The following ARHGAP18 variants were observed in gnomAD, a reference collection of about 807,000 sequenced individuals.
ARHGAP18 encodes Rho GTPase activating protein 18, also known as rho GTPase-activating protein 18.
In ARHGAP18, 67 loss-of-function variants were observed where a neutral mutation model predicts 86.2. That is an observed-to-expected ratio of 0.78 (90% CI 0.64 to 0.95). The LOEUF is 0.95. Among genes scored for constraint, ARHGAP18 ranks in the 40% least tolerant of loss-of-function variants. ARHGAP18 has a pLI of 0.00. For synonymous variants in ARHGAP18, 283 were observed against 280.4 expected (o/e 1.01, Z -0.09); for missense variants, 691 against 780.4 (o/e 0.89, Z 1.37).
At chr6:129,669,575 C>T (rs916901110) in intron 1 of ARHGAP18, among the ~76,000 whole-genome samples, 3 of 151,544 alleles carry the variant, frequency 2.0e-5, no homozygotes, top group Non-Finnish European at 4.4e-5. Context: ...CACCTGAGGT[C>T]GGGAGTTCAA....
At chr6:129,608,115 T>G in intron 8 of ARHGAP18, 63 bp from the exon 9 acceptor site, 1 of 1,485,058 alleles carries the variant, frequency 6.7e-7, no homozygotes, top group Non-Finnish European at 8.9e-7. Flanking sequence ...TTTTTTTTCT[T>G]GCTGAGAGTA....
chr6:129,658,561 G>C (rs1773887615), intron 1 of ARHGAP18, among the ~76,000 whole-genome samples: 1 of 152,180 alleles, frequency 6.6e-6, no homozygotes, highest in African/African-American at 2.4e-5. Context: ...GTGGACATCA[G>C]GGTTGAGGAT....
chr6:129,597,926 A>C lies in ARHGAP18; in HGVS notation c.1713+1290T>G, dbSNP rs188159338. On this transcript the variant is annotated intron_variant, in intron 12 of 14. Transcript: ENST00000368149. ...TTCCATAAATGACAAAATTACTAAA[A>C]TATTCCATTTCCAAAAAGTAAACGT... 3.0e-4 allele frequency among the ~76,000 whole-genome samples: 46 copies of C among 152,322 alleles called. No individual in the cohort carries two copies. The East Asian group carries it at 7.3e-3, about 24-fold the overall frequency.
intron 10 of ARHGAP18, among the ~76,000 whole-genome samples, 183 bp downstream of exon 10, chr6:129,605,694 T>A (rs1362715089): frequency 6.6e-6 from 1 of 152,120 alleles, no homozygotes; most frequent in African/African-American, 2.4e-5. Flanking sequence ...CTTAATAACA[T>A]TAGTAACATA....
intron 2 of ARHGAP18, among the ~76,000 whole-genome samples, chr6:129,639,236 G>A (rs80122807): frequency 1.3e-5 from 2 of 152,016 alleles, no homozygotes; most frequent in African/African-American, 4.8e-5. Flanking sequence ...AACTTATATA[G>A]GAAGATAATC....
rs1329594278 is a variant in ARHGAP18, at chr6:129,625,252, T to TATATATG, written c.786+4094_786+4100dup. On this transcript the variant is annotated intron_variant, in intron 5 of 14. Coordinates refer to ENST00000368149, the MANE Select transcript of ARHGAP18 (RefSeq NM_033515.3). ...ATATATGATATATATTTATATGTAA[T>TATATATG]ATATATGATATATGATATATATTTA... is the stretch of plus-strand genomic sequence containing the variant. 1.9e-3 allele frequency among the ~76,000 whole-genome samples: 88 copies of TATATATG among 46,416 alleles called. 36 individuals are homozygous for TATATATG. The highest frequency in any genetic ancestry group is 3.1e-3 in the Non-Finnish European group (78 of 25,496). 30.5% of individuals were successfully genotyped at this position (46,416 alleles called of 152,430 possible). A position where few individuals can be genotyped will look rare whatever the true frequency, so the allele number is the denominator to read the frequency against.
chr6:129,580,629 G>A (rs1788268495), intron 13 of ARHGAP18, among the ~76,000 whole-genome samples: 1 of 152,182 alleles, frequency 6.6e-6, no homozygotes, highest in South Asian at 2.1e-4. Flanking sequence ...GCTCATGCCT[G>A]TAATCCCAGC....
At position 129,673,795 on chromosome 6, in the gene ARHGAP18, T is replaced by G. The variant is rs145759476; in HGVS notation, c.114-31777A>C. Among the ~76,000 whole-genome samples the G allele has an allele frequency of 2.6e-4, 39 of 152,324 alleles. No individual in the cohort carries two copies. In the South Asian group the frequency reaches 7.9e-3, roughly 31 times the overall value. On this transcript the variant is annotated intron_variant, in intron 1 of 14. Coordinates refer to ENST00000368149, the MANE Select transcript of ARHGAP18 (RefSeq NM_033515.3). ...CAACTTTGAAAATCTGATATTTCTA[T>G]TCTTTTAGGTTATTTTATAATATAT...
Position 129,610,201 on chromosome 6 carries a change from C to T in ARHGAP18, c.1122+1332G>A, listed in dbSNP as rs564383143. Among the ~76,000 whole-genome samples, 68 of 152,356 alleles carry T rather than the reference C, an allele frequency of 4.5e-4. 1 individual carries two copies. The South Asian group carries it at 0.013, about 29-fold the overall frequency. ...GGTAAAAGTTAGTAGTTAATGGCTGCTTCCAGATACAGCTACAATTCCAAG... is the reference window on the plus strand; with the variant it reads ...GGTAAAAGTTAGTAGTTAATGGCTGTTTCCAGATACAGCTACAATTCCAAG... On this transcript the variant is annotated intron_variant, in intron 8 of 14. Transcript: ENST00000368149.
intron 13 of ARHGAP18, among the ~76,000 whole-genome samples, chr6:129,580,598 T>C (rs1241699780): frequency 6.6e-6 from 1 of 152,196 alleles, no homozygotes; most frequent in East Asian, 1.9e-4. Flanking sequence ...GAATAAGACA[T>C]GCTTCTGACT....
chr6:129,658,295 A>G (rs1773880451), intron 1 of ARHGAP18, among the ~76,000 whole-genome samples: 1 of 152,222 alleles, frequency 6.6e-6, no homozygotes, highest in Admixed American at 6.5e-5. Flanking sequence ...CTGGGTCCCA[A>G]CTTACACCTC....
intron 1 of ARHGAP18, among the ~76,000 whole-genome samples, chr6:129,678,221 C>T (rs925681174): frequency 6.6e-6 from 1 of 152,216 alleles, no homozygotes; most frequent in Non-Finnish European, 1.5e-5. Flanking sequence ...GGTCTCCGAT[C>T]AATATTTACA....
intron 4 of ARHGAP18, among the ~76,000 whole-genome samples, chr6:129,632,346 T>C (rs1367164548): frequency 6.6e-6 from 1 of 152,218 alleles, no homozygotes; most frequent in Non-Finnish European, 1.5e-5. Context: ...GTTTGTCACA[T>C]TTCACTTGCC....
intron 1 of ARHGAP18, chr6:129,661,923 T>C (rs1773960817): frequency 1.0e-6 from 1 of 985,198 alleles, no homozygotes; most frequent in Non-Finnish European, 1.2e-6. Flanking sequence ...CAAGCAGTCA[T>C]CTGTGTCCTC....
intron 12 of ARHGAP18, among the ~76,000 whole-genome samples, chr6:129,584,924 C>T (rs1562676643): frequency 6.6e-6 from 1 of 151,800 alleles, no homozygotes; most frequent in Non-Finnish European, 1.5e-5. Context: ...TATTAAGCAT[C>T]TACTGAGTAC....
At chr6:129,683,022 GA>G (rs1189085736) in intron 1 of ARHGAP18, among the ~76,000 whole-genome samples, 3 of 146,308 alleles carry the variant, frequency 2.1e-5, no homozygotes, top group Non-Finnish European at 3.0e-5. Context: ...TATACTTCAG[GA>G]AAAAAAAAGT....
At position 129,580,102 on chromosome 6, in the gene ARHGAP18, TCTC is replaced by T. The variant is rs753558498; in HGVS notation, c.1865_1867del (p.Gly622del). On this transcript the variant is annotated inframe_deletion, in exon 14 of 15. Coordinates refer to ENST00000368149, the MANE Select transcript of ARHGAP18 (RefSeq NM_033515.3). ...TCCTCCAATTTCATACAAAAAAACT[TCTC>T]CTTTCTTGAGAGTCTGGGCAACCCC... 89 of 1,613,564 alleles carry T rather than the reference TCTC, an allele frequency of 5.5e-5. No homozygotes were observed. The highest frequency in any genetic ancestry group is 7.5e-5 in the Non-Finnish European group (88 of 1,179,784).
intron 5 of ARHGAP18, among the ~76,000 whole-genome samples, chr6:129,628,011 G>C (rs927044191): frequency 2.0e-5 from 3 of 152,108 alleles, no homozygotes; most frequent in Non-Finnish European, 1.5e-5. Context: ...AATAGGTCAG[G>C]ATTGGCCATG....
At chr6:129,709,572 G>GA (rs371362354) in intron 1 of ARHGAP18, among the ~76,000 whole-genome samples, 8 of 151,866 alleles carry the variant, frequency 5.3e-5, no homozygotes, top group African/African-American at 7.3e-5. Flanking sequence ...AGAGAGGGGG[G>GA]AAAAAAAACA....
Sources: allele counts gnomAD v4.1 joint callset (sites outside exome capture counted in the v4.1 genomes callset), GRCh38; gene constraint gnomAD v4.1.1; transcripts MANE v1.5; gene names NCBI Gene and HGNC (gene_info 2026-07-23, HGNC 2026-07-21).